Variants in SLC38A5 observed in about 807,000 individuals in gnomAD.
SLC38A5 encodes the protein solute carrier family 38 member 5, also known as sodium-coupled neutral amino acid transporter 5.
Under a neutral mutation model 34.6 loss-of-function variants are expected in SLC38A5, and 9 were observed. The observed-to-expected ratio is 0.26, with a 90% CI of 0.16 to 0.45. The LOEUF (loss-of-function observed/expected upper bound fraction) is 0.45. Ranked by LOEUF, SLC38A5 falls within the 20% of genes least tolerant of loss-of-function variation. The pLI is 1.00. For synonymous variants in SLC38A5, 157 were observed against 155.6 expected, an observed-to-expected ratio of 1.01 and a Z score of -0.07; for missense variants, 253 against 394.7, an observed-to-expected ratio of 0.64 and a Z score of 3.04.
rs1556961275 is a variant in SLC38A5, at chrX:48,458,957, G to T, written c.1395C>A (p.Gly465=). Residue 465 remains glycine (G), a synonymous_variant, in exon 17 of 17, where the codon GGC becomes GGA. Coordinates refer to ENST00000620913, the MANE Select transcript of SLC38A5 (RefSeq NM_033518.4). ...ATCAGTGTCCAGACATGCGGCTCTG[G>T]CCTGTGGCCCAGTTGGCAAACATAA... is the stretch of plus-strand genomic sequence containing the variant. The part of the protein sequence containing the change: ...LGFMFANWAT[G]QSRMSGH 2 of 1,189,384 alleles carry T rather than the reference G, an allele frequency of 1.7e-6. No homozygotes were observed.
At chrX:48,465,587 G>T (rs781847632) in intron 8 of SLC38A5, among the ~76,000 whole-genome samples, 1 of 111,902 alleles carries the variant, frequency 8.9e-6, no homozygotes, top group Admixed American at 9.5e-5. Context: ...AAGTCAGAGT[G>T]ACCGAGGGTA....
At chrX:48,463,762 T>C (rs1175822787) in intron 8 of SLC38A5, among the ~76,000 whole-genome samples, 2 of 41,975 alleles carry the variant, frequency 4.8e-5, no homozygotes, top group East Asian at 5.8e-4. Flanking sequence ...GGGTGACAGA[T>C]CAAGACACTC....
rs146003302 is a variant in SLC38A5, at chrX:48,468,844, A to G, written c.-2+491T>C. 1,923 of 748,902 alleles carry G rather than the reference A, an allele frequency of 2.6e-3. 33 individuals are homozygous for G. The African/African-American group carries it at 0.043, about 17-fold the overall frequency. 61.7% of individuals were successfully genotyped at this position (748,902 alleles called of 1,213,427 possible). ...CTCATTTCCCTCCGGAGGAAGAGCT[A>G]TTTCTGAGACCTTCATCAAAGACCC... On this transcript the variant is annotated intron_variant, in intron 2 of 16. Coordinates refer to ENST00000620913, the MANE Select transcript of SLC38A5 (RefSeq NM_033518.4).
chrX:48,467,851 C>T (rs372020384), intron 3 of SLC38A5, 21 bp downstream of exon 3: 174 of 1,204,548 alleles, frequency 1.4e-4, no homozygotes, highest in Non-Finnish European at 1.8e-4. Context: ...CTGAGCCCAC[C>T]TCCTTGGACC....
Position 48,466,882 on chromosome X carries a change from G to A in SLC38A5, c.246-10C>T. The A allele has an allele frequency of 8.3e-7, 1 of 1,205,644 alleles. No individual in the cohort carries two copies. ...GCACAGCAGCAGGGCCCTGCGGCAG[G>A]TGGCACAGCTCAGACCTGGCCCCAG... On this transcript the variant is annotated splice_polypyrimidine_tract_variant and intron_variant, in intron 5 of 16. Coordinates refer to ENST00000620913, the MANE Select transcript of SLC38A5 (RefSeq NM_033518.4).
chrX:48,468,778 A>AGGTGTGG (rs2147079458), intron 2 of SLC38A5: 1 of 634,274 alleles, frequency 1.6e-6, no homozygotes, highest in Non-Finnish European at 1.9e-6. Context: ...GAAACTTCCT[A>AGGTGTGG]GGTGTGGGGT....
intron 1 of SLC38A5, chrX:48,469,688 T>A (rs960822436): frequency 1.2e-4 from 13 of 110,713 alleles, no homozygotes; most frequent in African/African-American, 4.3e-4. Context: ...CAGAAAAAGG[T>A]GCAGAGAGGA....
chrX:48,460,118 C>T (rs1056340702), intron 14 of SLC38A5, among the ~76,000 whole-genome samples: 1 of 111,340 alleles, frequency 9.0e-6, no homozygotes, highest in Non-Finnish European at 1.9e-5. Context: ...GGCACCTGCA[C>T]CCACTGTCTG....
At chrX:48,463,801 A>G (rs2061452451) in intron 8 of SLC38A5, among the ~76,000 whole-genome samples, 1 of 103,106 alleles carries the variant, frequency 9.7e-6, no homozygotes, top group Admixed American at 1.1e-4. Context: ...GAAGAAAGAA[A>G]GAAAAAAAAG....
intron 4 of SLC38A5, 70 bp from the exon 5 acceptor site, chrX:48,467,147 C>G: frequency 1.1e-6 from 1 of 938,621 alleles, no homozygotes; most frequent in South Asian, 2.2e-5. Context: ...AATGCCAGGG[C>G]CAGGGAAAGA....
chrX:48,467,365 G>A (rs2061485221), intron 4 of SLC38A5: 3 of 418,840 alleles, frequency 7.2e-6, no homozygotes, highest in Non-Finnish European at 1.2e-5. Flanking sequence ...AAAACAGCTG[G>A]GGAGGGGAGA....
chrX:48,468,253 G>A lies in SLC38A5; in HGVS notation c.-1-328C>T, dbSNP rs1379743426. On this transcript the variant is annotated intron_variant, in intron 2 of 16. Transcript: ENST00000620913. ...GAGAGAGCCGGACCCCAGCGCAGAT[G>A]AGCCGACCACGTGGAGAAGGGATAG... is the stretch of plus-strand genomic sequence containing the variant. 8.6e-6 allele frequency: 8 copies of A among 927,536 alleles called. No homozygotes were observed. The Admixed American group carries it at 2.2e-4, about 26-fold the overall frequency. 76.4% of individuals were successfully genotyped at this position (927,536 alleles called of 1,213,427 possible).
intron 9 of SLC38A5, 95 bp from the exon 10 acceptor site, chrX:48,462,386 C>A: frequency 2.2e-6 from 2 of 890,796 alleles, no homozygotes; most frequent in Non-Finnish European, 1.6e-6. Context: ...GCGGGTGGAT[C>A]ACCTGAGGTC....
intron 8 of SLC38A5, among the ~76,000 whole-genome samples, chrX:48,464,325 T>C (rs2061460559): frequency 8.9e-6 from 1 of 112,770 alleles, no homozygotes; most frequent in Non-Finnish European, 1.9e-5. Flanking sequence ...GCCTATGTTC[T>C]AGACATTCAC....
chrX:48,462,802 G>T, intron 9 of SLC38A5, 96 bp downstream of exon 9: 1 of 664,611 alleles, frequency 1.5e-6, no homozygotes, highest in Non-Finnish European at 2.3e-6. Flanking sequence ...CTCTCTCCTA[G>T]TGTGCTGCAG....
Position 48,458,679 on chromosome X carries a change from T to TCCTCCA in SLC38A5, c.*253_*254insTGGAGG. On this transcript the variant is annotated 3_prime_UTR_variant, in exon 17 of 17. Coordinates refer to ENST00000620913, the MANE Select transcript of SLC38A5 (RefSeq NM_033518.4). ...CCTGGCCTCCTCCTCCTCCTCCTCCTCCTCCTCCTCCTCCTCTTCTTCCTC... is the reference window on the plus strand; with the variant it reads ...CCTGGCCTCCTCCTCCTCCTCCTCCTCCTCCACCTCCTCCTCCTCCTCTTCTTCCTC... 9.2e-6 allele frequency: 9 copies of TCCTCCA among 979,233 alleles called. No homozygotes were observed. The highest frequency in any genetic ancestry group is 1.2e-5 in the Non-Finnish European group (9 of 779,116). 80.7% of individuals were successfully genotyped at this position (979,233 alleles called of 1,213,427 possible).
At chrX:48,468,745 T>C in intron 2 of SLC38A5, 1 of 489,665 alleles carries the variant, frequency 2.0e-6, no homozygotes, top group Non-Finnish European at 2.5e-6. Context: ...CAGAAGTCAA[T>C]TTGGAGACAC....
chrX:48,464,210 G>C (rs2061460037), intron 8 of SLC38A5, among the ~76,000 whole-genome samples: 1 of 112,566 alleles, frequency 8.9e-6, no homozygotes, highest in Admixed American at 9.4e-5. Flanking sequence ...TCTGAGAAAA[G>C]GTGGGATCTG....
Position 48,459,851 on chromosome X carries a change from A to T in SLC38A5, c.1094T>A (p.Leu365His). Residue 365 changes from leucine to histidine, a missense_variant, in exon 15 of 17, where the codon CTT (leucine) becomes CAT (histidine). By Grantham distance (99) the Leu-to-His change is moderately conservative. Around this residue, in one of 3 missense-constraint regions of SLC38A5, gnomAD observed 176 missense variants for 273.0 expected, o/e 0.64. Coordinates refer to ENST00000620913, the MANE Select transcript of SLC38A5 (RefSeq NM_033518.4). ...FPIRRALQQL[L>H]FPGKAFSWPR... ...CCAGCTGAAGGCCTTGCCTGGGAAA[A>T]GCAGCTGCTGCAGGGCCCGGCGGAT... The T allele has an allele frequency of 8.3e-7, 1 of 1,210,775 alleles. No homozygotes were observed. Among genetic ancestry groups the T allele is most frequent in the Non-Finnish European group, 1.1e-6 (1 of 894,993 alleles).
Sources: allele counts gnomAD v4.1 joint callset (sites outside exome capture counted in the v4.1 genomes callset), GRCh38; gene constraint gnomAD v4.1.1; regional missense constraint gnomAD v4.1.1; transcripts MANE v1.5; gene names NCBI Gene and HGNC (gene_info 2026-07-23, HGNC 2026-07-21).